HPX: variants seen among roughly 807,000 people sequenced by gnomAD.
HPX encodes hemopexin.
In HPX, 42 loss-of-function variants were observed where a neutral mutation model predicts 53.8. The ratio of observed to expected loss-of-function variants is 0.78; its 90% CI spans 0.61 to 1.01. The LOEUF is 1.01. HPX is among the 50% of genes least tolerant of loss of function. The pLI is 0.00. For synonymous variants in HPX, 229 were observed against 221.1 expected, an observed-to-expected ratio of 1.04 and a Z score of -0.32; for missense variants, 547 against 594.3, an observed-to-expected ratio of 0.92 and a Z score of 0.83.
At chr11:6,437,990 A>T (rs886430478) in intron 5 of HPX, 1 of 508,020 alleles carries the variant, frequency 2.0e-6, no homozygotes, top group Non-Finnish European at 3.5e-6. Context: ...TGTACAGAGA[A>T]TAGCATAGGG....
intron 7 of HPX, among the ~76,000 whole-genome samples, chr11:6,433,404 T>C (rs1849376208): frequency 6.6e-6 from 1 of 152,228 alleles, no homozygotes; most frequent in South Asian, 2.1e-4. Context: ...CTCGAACTCC[T>C]GACCTCAGGT....
chr11:6,440,023 G>T, intron 4 of HPX, 142 bp downstream of exon 4: 2 of 1,079,576 alleles, frequency 1.9e-6, no homozygotes, highest in Non-Finnish European at 1.4e-6. Flanking sequence ...CTTAGCCCAA[G>T]CTTTTACAGG....
chr11:6,437,313 A>G (rs1162672137), intron 6 of HPX, 127 bp downstream of exon 6: 1 of 1,365,256 alleles, frequency 7.3e-7, no homozygotes, highest in Non-Finnish European at 1.0e-6. Flanking sequence ...CAGAATGGAA[A>G]TGGGGCTAGA....
intron 2 of HPX, 29 bp from the exon 3 acceptor site, chr11:6,440,567 TAAAAAAAAAAAAAAAAAAAAAAA>T (rs71056749): frequency 1.6e-4 from 92 of 591,198 alleles, no homozygotes; most frequent in Non-Finnish European, 2.1e-4. Context: ...GATGGCAAAG[TAAAAAAAAAAAAAAAAAAAAAAA>T]AAAAAAAAAA....
rs200490788 is a variant in HPX, at chr11:6,440,196, C to G, written c.305G>C (p.Arg102Pro). Residue 102 changes from arginine to proline, a missense_variant, in exon 4 of 10, where the codon CGT becomes CCT. By Grantham distance (103) the Arg-to-Pro change is moderately radical. Transcript: ENST00000265983. ...NFPSPVDAAF[R>P]QGHNSVFLIK... ...CAGAAAGACACTGTTGTGACCTTGA[C>G]GGAATGCAGCATCCACAGGGCTGGG... The G allele has an allele frequency of 3.7e-6, 6 of 1,613,960 alleles. No homozygotes were observed. In the African/African-American group the frequency reaches 6.7e-5, roughly 18 times the overall value.
Position 6,431,689 on chromosome 11 carries a change from CCA to C in HPX, c.1079_1080del (p.Val360GlyfsTer41), listed in dbSNP as rs1397424056. 2 of 1,614,186 alleles carry C rather than the reference CCA, an allele frequency of 1.2e-6. No individual in the cohort carries two copies. Among genetic ancestry groups the C allele is most frequent in the Admixed American group, 3.3e-5 (2 of 60,028 alleles). On this transcript the variant is annotated frameshift_variant, in exon 9 of 10. Transcript: ENST00000265983. LOFTEE classifies it high-confidence loss of function. The stretch of plus-strand genomic sequence containing the variant: ...GACCCAGGGCAGATAAAGGCCGCAT[CCA>C]CAGAGTCCAGGATAATCCCATGAGG... ...GTPHGIILDS[V>X]DAAFICPGSS...
At chr11:6,431,494 G>A (rs1290377945) in intron 9 of HPX, 24 bp from the exon 10 acceptor site, 2 of 1,613,448 alleles carry the variant, frequency 1.2e-6, no homozygotes, top group Non-Finnish European at 1.7e-6. Flanking sequence ...ACCAAACATA[G>A]CATGGCTTCC....
rs943307766 is a variant in HPX, at chr11:6,437,644, C to A, written c.499G>T (p.Glu167Ter). The stretch of plus-strand genomic sequence containing the variant: ...CCCGTAGCCAAGTCCCAGAACCACT[C>A]GCGGTCACCTTTGTCCAATCAATCA... Reference protein sequence around the residue: ...EGVLFFQGDREWFWDLATGTM... With the variant: ...EGVLFFQGDR Residue 167 changes from glutamate (E) to a stop codon, truncating the protein, a stop_gained, in exon 6 of 10, where the codon GAG (glutamate) becomes TAG (stop). Coordinates refer to ENST00000265983, the MANE Select transcript of HPX (RefSeq NM_000613.3). LOFTEE classifies it high-confidence loss of function. 1.1e-5 allele frequency: 18 copies of A among 1,614,024 alleles called. No individual in the cohort carries two copies. Among genetic ancestry groups the A allele is most frequent in the Non-Finnish European group, 1.5e-5 (18 of 1,179,954 alleles).
chr11:6,440,123 C>T lies in HPX; in HGVS notation c.336+42G>A, dbSNP rs1446429694. On this transcript the variant is annotated intron_variant, in intron 4 of 9. Coordinates refer to ENST00000265983, the MANE Select transcript of HPX (RefSeq NM_000613.3). ...GGGGGAAGGGTCCCCAGTGTCGATT[C>T]CAGCCCTTTCCAGCCTGGCCCTGAT... The T allele has an allele frequency of 3.7e-6, 6 of 1,613,466 alleles. No individual in the cohort carries two copies. The South Asian group carries it at 4.4e-5, about 12-fold the overall frequency.
At chr11:6,438,218 C>A in intron 5 of HPX, 138 bp downstream of exon 5, 1 of 830,528 alleles carries the variant, frequency 1.2e-6, no homozygotes, top group East Asian at 2.4e-5. Flanking sequence ...CTAGACCATA[C>A]GTGGCTTCTC....
At position 6,437,486 on chromosome 11, in the gene HPX, C is replaced by T. The variant is rs1340385163; in HGVS notation, c.657G>A (p.Arg219=). Reference sequence around the variant, plus strand: ...AGTAGTCTCGGACATCCCGCGGGTACCTGGGAGGCACCTCTCCCCTGACAG... The same window carrying T: ...AGTAGTCTCGGACATCCCGCGGGTATCTGGGAGGCACCTCTCCCCTGACAG... ...FDPVRGEVPP[R]YPRDVRDYFM... Residue 219 remains arginine, a synonymous_variant, in exon 6 of 10, where the codon AGG becomes AGA. Coordinates refer to ENST00000265983, the MANE Select transcript of HPX (RefSeq NM_000613.3). The T allele has an allele frequency of 6.2e-7, 1 of 1,614,134 alleles. No individual in the cohort carries two copies.
intron 5 of HPX, chr11:6,437,935 G>C (rs1564955886): frequency 1.8e-6 from 1 of 550,002 alleles, no homozygotes; most frequent in East Asian, 3.1e-5. Flanking sequence ...AGGAGAGATG[G>C]AACCCCAGAG....
chr11:6,440,280 A>C lies in HPX; in HGVS notation c.221T>G (p.Phe74Cys), dbSNP rs761440865. The change falls in exon 4 of 10, where the codon TTT becomes TGT. Residue 74 changes from phenylalanine to cysteine, a missense_variant. Physicochemically the swap from Phe to Cys is radical, Grantham distance 205. Transcript: ENST00000265983. Reference sequence around the variant, plus strand: ...GTCCCATTTGTGACTCTTCCACACAAACTCCCCTGAAAAAACCCACACTCA... The same window carrying C: ...GTCCCATTTGTGACTCTTCCACACACACTCCCCTGAAAAAACCCACACTCA... ...NGTMLFFKGE[F>C]VWKSHKWDRE... The C allele has an allele frequency of 4.0e-5, 65 of 1,613,668 alleles. No individual in the cohort carries two copies. In the South Asian group the frequency reaches 7.0e-4, roughly 17 times the overall value.
chr11:6,440,407 ACC>A, intron 3 of HPX, 58 bp downstream of exon 3: 1 of 1,589,582 alleles, frequency 6.3e-7, no homozygotes, highest in South Asian at 1.1e-5. Context: ...AGACAGGGAC[ACC>A]CTTTGTGAAG....
At chr11:6,435,752 G>A (rs1349047645) in intron 7 of HPX, among the ~76,000 whole-genome samples, 6 of 152,310 alleles carry the variant, frequency 3.9e-5, no homozygotes, top group East Asian at 3.9e-4. Flanking sequence ...CACCACGCCC[G>A]GCCTGGGTAT....
rs781091697 is a variant in HPX at position 6,437,056 on chromosome 11, A to G, written c.825T>C (p.Tyr275=). ...ALTSDNHGAT[Y]AFSGTHYWRL... ...GGGGGCATCTCTCACCACTGAAGGC[A>G]TAGGTGGCACCATGGTTGTCAGACG... Residue 275 remains tyrosine, a synonymous_variant, in exon 7 of 10, where the codon TAT becomes TAC. Transcript: ENST00000265983. 7 of 1,614,162 alleles carry G rather than the reference A, an allele frequency of 4.3e-6. No individual in the cohort carries two copies. In the South Asian group the frequency reaches 4.4e-5, roughly 10 times the overall value.
intron 9 of HPX, 71 bp downstream of exon 9, chr11:6,431,570 C>A (rs888495888): frequency 3.7e-6 from 6 of 1,606,824 alleles, no homozygotes; most frequent in African/African-American, 2.7e-5. Flanking sequence ...CCTTCTCATG[C>A]CCTGGTGGGG....
rs146871307 is a variant in HPX, at chr11:6,436,472, C to T, written c.835+574G>A. ...GGGAGGGGTATCTCCATTGGCTACT[C>T]AGAGGAGAAACCTCCAGAGGCTAGT... is the stretch of plus-strand genomic sequence containing the variant. On this transcript the variant is annotated intron_variant, in intron 7 of 9. Coordinates refer to ENST00000265983, the MANE Select transcript of HPX (RefSeq NM_000613.3). 7.6e-4 allele frequency among the ~76,000 whole-genome samples: 115 copies of T among 152,260 alleles called. 1 individual carries two copies. The highest frequency in any genetic ancestry group is 2.5e-3 in the African/African-American group (105 of 41,548).
intron 5 of HPX, 30 bp downstream of exon 5, chr11:6,438,326 C>G: frequency 6.2e-7 from 1 of 1,611,478 alleles, no homozygotes; most frequent in Non-Finnish European, 8.5e-7. Context: ...CACCACTACT[C>G]CAGGTTCTTG....
Sources: gnomAD v4.1 joint callset for allele counts (sites outside exome capture counted in the v4.1 genomes callset) on GRCh38, gnomAD v4.1.1 for gene constraint, MANE v1.5 for transcripts, NCBI Gene and HGNC (gene_info 2026-07-23, HGNC 2026-07-21) for gene names.